The following FGGY variants were observed in gnomAD, a reference collection of about 807,000 sequenced individuals.
FGGY encodes the protein FGGY carbohydrate kinase domain containing.
FGGY carries 72 observed loss-of-function variants against 71.3 expected under a neutral mutation model. That is an observed-to-expected ratio of 1.01 (90% CI 0.84 to 1.23). The LOEUF is 1.23. FGGY is among the 50% of genes most tolerant of loss of function. The pLI, the probability that FGGY is intolerant of heterozygous loss-of-function variation, is 0.00. For synonymous variants in FGGY, 251 were observed against 250.3 expected (o/e 1.00, Z -0.02); for missense variants, 668 against 682.3 (o/e 0.98, Z 0.23).
intron 6 of FGGY, among the ~76,000 whole-genome samples, chr1:59,499,800 C>A (rs1026785814): frequency 5.9e-5 from 9 of 152,302 alleles, no homozygotes; most frequent in African/African-American, 2.2e-4. Context: ...TTACCTGTGA[C>A]CTGACTCTTG....
intron 5 of FGGY, among the ~76,000 whole-genome samples, chr1:59,415,831 A>G (rs2064308097): frequency 6.6e-6 from 1 of 152,226 alleles, no homozygotes; most frequent in South Asian, 2.1e-4. Context: ...CAAGCTCATA[A>G]CACCGTAGCT....
At chr1:59,516,474 A>G (rs1217934749) in intron 7 of FGGY, among the ~76,000 whole-genome samples, 1 of 152,208 alleles carries the variant, frequency 6.6e-6, no homozygotes, top group African/African-American at 2.4e-5. Context: ...ACATATTGTG[A>G]TGCTATGACA....
At chr1:59,562,871 C>T (rs1024764824) in intron 8 of FGGY, among the ~76,000 whole-genome samples, 1 of 152,144 alleles carries the variant, frequency 6.6e-6, no homozygotes, top group Non-Finnish European at 1.5e-5. Flanking sequence ...CCAAATCAGA[C>T]ATCTTAAATA....
At chr1:59,627,426 C>T (rs2096866888) in intron 10 of FGGY, among the ~76,000 whole-genome samples, 1 of 138,376 alleles carries the variant, frequency 7.2e-6, no homozygotes, top group Non-Finnish European at 1.5e-5. Flanking sequence ...TAGAATGAAC[C>T]TCATGGTGTC....
chr1:59,424,545 C>T (rs1049832354), intron 5 of FGGY, among the ~76,000 whole-genome samples: 3 of 151,910 alleles, frequency 2.0e-5, no homozygotes, highest in African/African-American at 7.3e-5. Flanking sequence ...GACTCTGTCT[C>T]TTAAAAAATA....
At chr1:59,677,996 C>G (rs1439419686) in intron 14 of FGGY, among the ~76,000 whole-genome samples, 1 of 152,184 alleles carries the variant, frequency 6.6e-6, no homozygotes, top group Non-Finnish European at 1.5e-5. Flanking sequence ...AATACAATGA[C>G]TAATACTATC....
At chr1:59,319,873 G>T (rs938726504) in intron 1 of FGGY, among the ~76,000 whole-genome samples, 5 of 152,148 alleles carry the variant, frequency 3.3e-5, no homozygotes, top group African/African-American at 1.2e-4. Flanking sequence ...AGGGACTGCT[G>T]GGGGGAAGGG....
At chr1:59,650,843 AG>A (rs2097151210) in intron 11 of FGGY, among the ~76,000 whole-genome samples, 1 of 147,896 alleles carries the variant, frequency 6.8e-6, no homozygotes, top group East Asian at 1.9e-4. Flanking sequence ...TTGTGATGTT[AG>A]GGTGTCAATT....
At chr1:59,316,133 T>C (rs2045415041) in intron 1 of FGGY, 1 of 152,234 alleles carries the variant, frequency 6.6e-6, no homozygotes, top group African/African-American at 2.4e-5. Context: ...ATCTTTTTTC[T>C]TCCCAATCTT....
intron 11 of FGGY, among the ~76,000 whole-genome samples, chr1:59,647,483 G>T (rs1424420692): frequency 1.3e-5 from 2 of 152,136 alleles, no homozygotes; most frequent in Admixed American, 1.3e-4. Flanking sequence ...TTCTCTTACA[G>T]TTCTTCAGGT....
At chr1:59,536,019 C>G (rs879922671) in intron 7 of FGGY, among the ~76,000 whole-genome samples, 7 of 150,942 alleles carry the variant, frequency 4.6e-5, no homozygotes, top group African/African-American at 7.4e-5. Flanking sequence ...ACAAAAAACC[C>G]TTCAAAAAAT....
chr1:59,473,025 T>A (rs533158295), intron 6 of FGGY, among the ~76,000 whole-genome samples: 2 of 152,260 alleles, frequency 1.3e-5, no homozygotes, highest in South Asian at 4.1e-4. Flanking sequence ...ATCAGCAGGT[T>A]GTGGGTGGGG....
chr1:59,442,942 G>A (rs1217178144), intron 5 of FGGY, among the ~76,000 whole-genome samples: 1 of 152,164 alleles, frequency 6.6e-6, no homozygotes, highest in African/African-American at 2.4e-5. Flanking sequence ...TATTCTCAGG[G>A]GGTTGAAGTA....
chr1:59,570,768 C>G (rs1369517140), intron 8 of FGGY, among the ~76,000 whole-genome samples: 1 of 152,172 alleles, frequency 6.6e-6, no homozygotes, highest in Non-Finnish European at 1.5e-5. Context: ...AGTGTTTAAT[C>G]CAGCTCTCTA....
At chr1:59,619,604 G>T (rs1327636125) in intron 9 of FGGY, among the ~76,000 whole-genome samples, 1 of 152,158 alleles carries the variant, frequency 6.6e-6, no homozygotes. Flanking sequence ...TAGCAACAAG[G>T]TCACAATGGA....
chr1:59,389,696 C>T (rs904611808), intron 5 of FGGY, among the ~76,000 whole-genome samples: 2 of 152,178 alleles, frequency 1.3e-5, no homozygotes, highest in African/African-American at 2.4e-5. Flanking sequence ...TTTACATTCC[C>T]ACCAGAAATA....
At chr1:59,662,530 T>C (rs1305879369) in intron 12 of FGGY, among the ~76,000 whole-genome samples, 1 of 152,124 alleles carries the variant, frequency 6.6e-6, no homozygotes, top group Non-Finnish European at 1.5e-5. Flanking sequence ...AAAACAAAAT[T>C]AGACATGTGA....
At chr1:59,306,136 T>C (rs1004448720) in intron 1 of FGGY, among the ~76,000 whole-genome samples, 1 of 152,222 alleles carries the variant, frequency 6.6e-6, no homozygotes, top group African/African-American at 2.4e-5. Context: ...TTCTATTTTT[T>C]TCCCCATTGT....
chr1:59,586,635 T>A (rs956249782), intron 8 of FGGY, among the ~76,000 whole-genome samples: 2 of 152,074 alleles, frequency 1.3e-5, no homozygotes, highest in Non-Finnish European at 2.9e-5. Context: ...TGTGCACATG[T>A]ACCCTAAAAC....
Sources: allele counts gnomAD v4.1 joint callset (sites outside exome capture counted in the v4.1 genomes callset), GRCh38; gene constraint gnomAD v4.1.1; transcripts MANE v1.5; gene names NCBI Gene and HGNC (gene_info 2026-07-23, HGNC 2026-07-21).